The following CD1B variants were observed in gnomAD, a reference collection of about 807,000 sequenced individuals.
CD1B encodes CD1b molecule.
CD1B carries 43 observed loss-of-function variants against 39.8 expected under a neutral mutation model. The observed-to-expected ratio is 1.08, with a 90% CI of 0.85 to 1.39. CD1B has a LOEUF of 1.39. Ranked by LOEUF, CD1B falls within the 40% of genes most tolerant of loss-of-function variation. CD1B has a pLI of 0.00. For synonymous variants in CD1B, 192 were observed against 152.5 expected, an observed-to-expected ratio of 1.26 and a Z score of -1.91; for missense variants, 495 against 403.8, an observed-to-expected ratio of 1.23 and a Z score of -1.94.
the CD1B span, among the ~76,000 whole-genome samples, chr1:158,305,157 C>G: frequency 6.6e-6 from 1 of 152,014 alleles, no homozygotes; most frequent in South Asian, 2.1e-4. Context: ...AGAGGAAGTT[C>G]GAACTCATCG....
the CD1B span, among the ~76,000 whole-genome samples, chr1:158,314,726 T>C: frequency 6.6e-6 from 1 of 152,096 alleles, no homozygotes; most frequent in Non-Finnish European, 1.5e-5. Context: ...TACGTATGTA[T>C]ACATGTGCCA....
downstream of CD1B, among the ~76,000 whole-genome samples, chr1:158,326,257 C>T (rs1652348709): frequency 6.6e-6 from 1 of 152,148 alleles, no homozygotes; most frequent in South Asian, 2.1e-4. Flanking sequence ...CAGGCGTGAG[C>T]CACCATGCCC....
At chr1:158,292,811 G>A in the CD1B span, 4 of 1,614,218 alleles carry the variant, frequency 2.5e-6, no homozygotes, top group Admixed American at 1.7e-5. Flanking sequence ...TGAGGAGCCT[G>A]CTGGCCTGTC....
At chr1:158,287,963 C>T in the CD1B span, among the ~76,000 whole-genome samples, 3 of 152,214 alleles carry the variant, frequency 2.0e-5, no homozygotes, top group Non-Finnish European at 4.4e-5. Flanking sequence ...ATGCTTCCAA[C>T]ACCACACATT....
At chr1:158,294,173 A>T in the CD1B span, among the ~76,000 whole-genome samples, 1 of 152,252 alleles carries the variant, frequency 6.6e-6, no homozygotes, top group South Asian at 2.1e-4. Flanking sequence ...TGGTGCAGAT[A>T]TGTCACAGAA....
downstream of CD1B, among the ~76,000 whole-genome samples, chr1:158,326,158 G>C (rs1652345248): frequency 6.6e-6 from 1 of 151,942 alleles, no homozygotes; most frequent in Non-Finnish European, 1.5e-5. Context: ...AGTTTTAGTA[G>C]AGATGGGGTT....
chr1:158,330,211 T>C, intron 2 of CD1B, 81 bp from the exon 3 acceptor site: 1 of 1,301,332 alleles, frequency 7.7e-7, no homozygotes, highest in Non-Finnish European at 1.1e-6. Flanking sequence ...GATTTTAGAT[T>C]TTGGTGGGGA....
chr1:158,328,922 G>A lies in CD1B; in HGVS notation c.979C>T (p.Arg327Trp), dbSNP rs200467928. The A allele has an allele frequency of 5.1e-5, 81 of 1,596,582 alleles. No homozygotes were observed. Among genetic ancestry groups the A allele is most frequent in the Middle Eastern group, 1.7e-4 (1 of 5,972 alleles). Residue 327 changes from arginine to tryptophan, a missense_variant and splice_region_variant, in exon 5 of 6, where the codon CGG becomes TGG. Coordinates refer to ENST00000368168, the MANE Select transcript of CD1B (RefSeq NM_001764.3). ...AAAACAACACCACCCACAACTCACC[G>A]GCGCCTCATATACCATAATGCAAGG... Reference protein sequence around the residue: ...LCLALWYMRRRSYQNIP With the variant: ...LCLALWYMRRWSYQNIP
At chr1:158,321,395 GTTC>G in the CD1B span, among the ~76,000 whole-genome samples, 2 of 151,950 alleles carry the variant, frequency 1.3e-5, no homozygotes, top group Non-Finnish European at 2.9e-5. Context: ...GTCTATTTGT[GTTC>G]TTCTGCGTAA....
the CD1B span, among the ~76,000 whole-genome samples, chr1:158,286,421 T>A: frequency 6.6e-6 from 1 of 152,232 alleles, no homozygotes; most frequent in African/African-American, 2.4e-5. Context: ...TAGGGATAGA[T>A]GTACATAAAC....
the CD1B span, among the ~76,000 whole-genome samples, chr1:158,290,881 T>C: frequency 6.6e-6 from 1 of 152,184 alleles, no homozygotes; most frequent in Non-Finnish European, 1.5e-5. Context: ...GGGTTGAGCA[T>C]GATGGGCTTT....
At chr1:158,331,139 T>C (rs1652587006) in intron 1 of CD1B, 77 bp from the exon 2 acceptor site, 1 of 1,429,502 alleles carries the variant, frequency 7.0e-7, no homozygotes, top group Non-Finnish European at 9.5e-7. Flanking sequence ...GGAATGAAAA[T>C]GATTTAGAAA....
the CD1B span, among the ~76,000 whole-genome samples, chr1:158,299,921 T>A: frequency 6.6e-6 from 1 of 152,180 alleles, no homozygotes; most frequent in Non-Finnish European, 1.5e-5. Flanking sequence ...ATTTTGCTGA[T>A]CTTTTCAAAA....
At chr1:158,294,081 G>A in the CD1B span, among the ~76,000 whole-genome samples, 2 of 152,142 alleles carry the variant, frequency 1.3e-5, no homozygotes, top group African/African-American at 2.4e-5. Context: ...GCAGCCTTGT[G>A]CCTTGATACA....
chr1:158,302,300 G>C, the CD1B span, among the ~76,000 whole-genome samples: 2 of 151,954 alleles, frequency 1.3e-5, no homozygotes, highest in Non-Finnish European at 2.9e-5. Flanking sequence ...AGAGTTAAGA[G>C]GAAAGTTTAT....
the CD1B span, among the ~76,000 whole-genome samples, chr1:158,318,046 G>A: frequency 6.6e-6 from 1 of 152,118 alleles, no homozygotes; most frequent in African/African-American, 2.4e-5. Flanking sequence ...TATAATTTCT[G>A]TTCCTTTACA....
chr1:158,319,736 G>C, the CD1B span, among the ~76,000 whole-genome samples: 1 of 152,172 alleles, frequency 6.6e-6, no homozygotes, highest in Non-Finnish European at 1.5e-5. Flanking sequence ...GAGGAGAGGC[G>C]CTCTGCTTTT....
chr1:158,323,432 C>G (rs1317111683), downstream of CD1B, among the ~76,000 whole-genome samples: 3 of 152,118 alleles, frequency 2.0e-5, no homozygotes, highest in East Asian at 5.8e-4. Context: ...GCTTCCTTAA[C>G]AAGCTATTCT....
rs759322010 is a variant in CD1B at position 158,331,328 on chromosome 1, G to T, written c.61+35C>A. Reference sequence around the variant, plus strand: ...CTTGCTTTTTAAAATCCAAACCCCTGCACCAGTGCTGGGAGCTGCCAGAGT... The same window carrying T: ...CTTGCTTTTTAAAATCCAAACCCCTTCACCAGTGCTGGGAGCTGCCAGAGT... On this transcript the variant is annotated intron_variant, in intron 1 of 5. Transcript: ENST00000368168. The T allele has an allele frequency of 1.2e-5, 19 of 1,592,356 alleles. No homozygotes were observed. The African/African-American group carries it at 1.5e-4, about 12-fold the overall frequency.
Sources: allele counts gnomAD v4.1 joint callset (sites outside exome capture counted in the v4.1 genomes callset), GRCh38; gene constraint gnomAD v4.1.1; transcripts MANE v1.5; gene names NCBI Gene and HGNC (gene_info 2026-07-23, HGNC 2026-07-21).